SIPA1L2: variants seen among roughly 807,000 people sequenced by gnomAD.
SIPA1L2 encodes signal induced proliferation associated 1 like 2, also known as signal-induced proliferation-associated 1-like protein 2.
Under a neutral mutation model 163.9 loss-of-function variants are expected in SIPA1L2, and 56 were observed. That is an observed-to-expected ratio of 0.34 (90% CI 0.28 to 0.43). The LOEUF (loss-of-function observed/expected upper bound fraction) is 0.43. Ranked by LOEUF, SIPA1L2 falls within the 20% of genes least tolerant of loss-of-function variation. SIPA1L2 has a pLI of 1.00. For synonymous variants in SIPA1L2, 877 were observed against 865.7 expected (o/e 1.01, Z -0.23); for missense variants, 1,974 against 2,193.5 (o/e 0.90, Z 2.00).
rs1667148677 is a variant in SIPA1L2 at position 232,514,803 on chromosome 1, T to G, written c.537A>C (p.Ala179=). ...IDAEDVLDQN[A]VNPNTGAALH... ...GGGCAGCCCCGGTGTTGGGGTTGAC[T>G]GCATTTTGGTCTAAGACATCTTCGG... The change falls in exon 3 of 23, where the codon GCA becomes GCC. Residue 179 remains alanine (A), a synonymous_variant. Coordinates refer to ENST00000674635, the MANE Select transcript of SIPA1L2 (RefSeq NM_020808.5). 2 of 1,614,102 alleles carry G rather than the reference T, an allele frequency of 1.2e-6. No individual in the cohort carries two copies. Among genetic ancestry groups the G allele is most frequent in the Non-Finnish European group, 1.7e-6 (2 of 1,180,042 alleles).
chr1:232,428,495 T>G lies in SIPA1L2; in HGVS notation c.4326A>C (p.Ala1442=), dbSNP rs1428638189. The G allele has an allele frequency of 1.2e-6, 2 of 1,601,864 alleles. No individual in the cohort carries two copies. The highest frequency in any genetic ancestry group is 1.7e-6 in the Non-Finnish European group (2 of 1,174,904). Residue 1442 remains alanine, a synonymous_variant, in exon 17 of 23, where the codon GCA becomes GCC. Transcript: ENST00000674635. Reference sequence around the variant, plus strand: ...CTTTAGACAGAACATGTTGAGTCTCTGCAACAGCATCTCCCACCACTGTCT... The same window carrying G: ...CTTTAGACAGAACATGTTGAGTCTCGGCAACAGCATCTCCCACCACTGTCT... ...QHQTVVGDAV[A]ETQHVLSKED...
intron 1 of SIPA1L2, among the ~76,000 whole-genome samples, chr1:232,621,736 A>T (rs1414679458): frequency 3.4e-5 from 5 of 146,352 alleles, no homozygotes; most frequent in South Asian, 4.3e-4. Context: ...CATTTAAAAC[A>T]TTTTTTTTTT....
At chr1:232,614,642 C>T (rs1458444409) in intron 1 of SIPA1L2, among the ~76,000 whole-genome samples, 1 of 152,140 alleles carries the variant, frequency 6.6e-6, no homozygotes, top group Non-Finnish European at 1.5e-5. Context: ...AAGTTATTGG[C>T]AAAAATTAGC....
chr1:232,544,283 C>T (rs1190674831), intron 2 of SIPA1L2, among the ~76,000 whole-genome samples: 2 of 152,170 alleles, frequency 1.3e-5, no homozygotes, highest in African/African-American at 2.4e-5. Context: ...TGCTAGCGGC[C>T]GGGCGCAATG....
intron 3 of SIPA1L2, among the ~76,000 whole-genome samples, chr1:232,498,698 A>T (rs987901988): frequency 2.0e-5 from 3 of 152,108 alleles, no homozygotes; most frequent in Non-Finnish European, 4.4e-5. Flanking sequence ...CAGTGGTCAC[A>T]TTGCCTTTCT....
chr1:232,401,128 G>A (rs961954663), intron 22 of SIPA1L2, among the ~76,000 whole-genome samples: 8 of 151,756 alleles, frequency 5.3e-5, no homozygotes, highest in East Asian at 1.9e-4. Context: ...TCTCTCTCTC[G>A]TCTTGATTTC....
At chr1:232,487,919 TACACACACACAC>T (rs5781699) in intron 5 of SIPA1L2, among the ~76,000 whole-genome samples, 16 of 144,200 alleles carry the variant, frequency 1.1e-4, no homozygotes, top group South Asian at 2.3e-4. Flanking sequence ...GTAATTAGGT[TACACACACACAC>T]ACACACACAC....
At chr1:232,572,738 CATATATATATATAT>C (rs1219493276) in intron 2 of SIPA1L2, among the ~76,000 whole-genome samples, 3 of 39,712 alleles carry the variant, frequency 7.6e-5, no homozygotes, top group East Asian at 9.2e-4. Flanking sequence ...TACATACATA[CATATATATATATAT>C]ATATATATAT....
chr1:232,552,959 T>C (rs1394726174), intron 2 of SIPA1L2, among the ~76,000 whole-genome samples: 3 of 152,132 alleles, frequency 2.0e-5, no homozygotes, highest in Non-Finnish European at 4.4e-5. Flanking sequence ...GGTGGGTGCC[T>C]GCGACTCCCA....
chr1:232,514,746 G>A lies in SIPA1L2; in HGVS notation c.594C>T (p.Ile198=), dbSNP rs368097996. The change falls in exon 3 of 23, where the codon ATC becomes ATT. Residue 198 remains isoleucine (I), a synonymous_variant. Coordinates refer to ENST00000674635, the MANE Select transcript of SIPA1L2 (RefSeq NM_020808.5). ...LHREYGSTSS[I]DRQGLSGENF... ...TTTCACCAGATAAGCCTTGCCTGTC[G>A]ATGGATGAAGTACTTCCATACTCCC... is the stretch of plus-strand genomic sequence containing the variant. The A allele has an allele frequency of 9.3e-6, 15 of 1,614,192 alleles. No individual in the cohort carries two copies. The highest frequency in any genetic ancestry group is 5.5e-5 in the South Asian group (5 of 91,082).
chr1:232,479,669 G>A lies in SIPA1L2; in HGVS notation c.2043C>T (p.His681=), dbSNP rs774454751. 3.1e-6 allele frequency: 5 copies of A among 1,613,798 alleles called. No individual in the cohort carries two copies. The highest frequency in any genetic ancestry group is 1.1e-5 in the South Asian group (1 of 91,084). Residue 681 remains histidine (H), a synonymous_variant, in exon 7 of 23, where the codon CAC becomes CAT. Coordinates refer to ENST00000674635, the MANE Select transcript of SIPA1L2 (RefSeq NM_020808.5). ...GCATGTAGGGAAGCAGGGTTGACAC[G>A]TGGAACATGAGTTCGTAGTCTTTGT... ...TTYKDYELMF[H]VSTLLPYMPN... is the part of the protein sequence containing the mutation.
chr1:232,443,741 G>A, intron 11 of SIPA1L2, 56 bp from the exon 12 acceptor site: 2 of 1,389,796 alleles, frequency 1.4e-6, no homozygotes, highest in African/African-American at 1.5e-5. Context: ...CAAGCCCCTT[G>A]ACCTGGCCTG....
In SIPA1L2 at chr1:232,479,611, G is replaced by A; in HGVS notation, c.2085+16C>T. The A allele has an allele frequency of 6.2e-7, 1 of 1,605,140 alleles. No homozygotes were observed. Among genetic ancestry groups the A allele is most frequent in the East Asian group, 2.2e-5 (1 of 44,802 alleles). On this transcript the variant is annotated intron_variant, in intron 7 of 22. Coordinates refer to ENST00000674635, the MANE Select transcript of SIPA1L2 (RefSeq NM_020808.5). ...TCATACTCAGCGTAAAAAGCTCCAG[G>A]CTGGGGAGGACATACCTGTTGTCTG...
chr1:232,470,809 C>T (rs1214988472), intron 8 of SIPA1L2, among the ~76,000 whole-genome samples: 3 of 152,112 alleles, frequency 2.0e-5, no homozygotes, highest in Admixed American at 2.0e-4. Context: ...GGTCAAAGAC[C>T]CATTGTTTTA....
intron 2 of SIPA1L2, among the ~76,000 whole-genome samples, chr1:232,535,536 T>A (rs1657249974): frequency 6.6e-6 from 1 of 152,172 alleles, no homozygotes; most frequent in Non-Finnish European, 1.5e-5. Context: ...AAAAGTAAAA[T>A]TCTCTAGAAA....
rs1158240259 is a variant in SIPA1L2 at position 232,425,657 on chromosome 1, G to A, written c.4562C>T (p.Thr1521Ile). The change falls in exon 18 of 23, where the codon ACC (threonine) becomes ATC (isoleucine). Residue 1521 changes from threonine to isoleucine, a missense_variant. By Grantham distance (89) the Thr-to-Ile change is moderately conservative. Coordinates refer to ENST00000674635, the MANE Select transcript of SIPA1L2 (RefSeq NM_020808.5). ...CAGCGTGCTGTGGTAGGGTGGGGTG[G>A]TGCTGAACAGAATGTCGTTGGGCAG... ...QALPNDILFS[T>I]TPPYHSTLPP... is the part of the protein sequence containing the mutation. 1.2e-6 allele frequency: 2 copies of A among 1,613,266 alleles called. No homozygotes were observed. Among genetic ancestry groups the A allele is most frequent in the African/African-American group, 1.3e-5 (1 of 74,910 alleles).
At chr1:232,413,250 A>AAAGACC (rs1336362039) in intron 19 of SIPA1L2, among the ~76,000 whole-genome samples, 1 of 152,206 alleles carries the variant, frequency 6.6e-6, no homozygotes, top group Non-Finnish European at 1.5e-5. Context: ...CATATTTGTA[A>AAAGACC]AAGACCTAGA....
intron 3 of SIPA1L2, among the ~76,000 whole-genome samples, chr1:232,495,849 T>C (rs1666159717): frequency 6.6e-6 from 1 of 152,136 alleles, no homozygotes; most frequent in Non-Finnish European, 1.5e-5. Context: ...TTCTTTTAAG[T>C]AGAAAAAAGC....
intron 1 of SIPA1L2, among the ~76,000 whole-genome samples, chr1:232,582,783 T>C (rs981130087): frequency 1.3e-5 from 2 of 152,120 alleles, no homozygotes; most frequent in Non-Finnish European, 2.9e-5. Context: ...GTATAAGGGT[T>C]CCCATAATTT....
Sources: allele counts gnomAD v4.1 joint callset (sites outside exome capture counted in the v4.1 genomes callset), GRCh38; gene constraint gnomAD v4.1.1; transcripts MANE v1.5; gene names NCBI Gene and HGNC (gene_info 2026-07-23, HGNC 2026-07-21).